The following ULK4 variants were observed in gnomAD, a reference collection of about 807,000 sequenced individuals.
ULK4 encodes inactive serine/threonine-protein kinase ULK4.
Under a neutral mutation model 160.6 loss-of-function variants are expected in ULK4, and 133 were observed. The ratio of observed to expected loss-of-function variants is 0.83; its 90% confidence interval spans 0.72 to 0.96. The LOEUF (loss-of-function observed/expected upper bound fraction) is 0.96, where lower values mean the gene tolerates loss of function less well. Among genes scored for constraint, ULK4 ranks in the 40% least tolerant of loss-of-function variants. The pLI, the probability that ULK4 is intolerant of heterozygous loss-of-function variation, is 0.00. For missense variants in ULK4, 1,580 were observed against 1,499.5 expected, an observed-to-expected ratio of 1.05 and a Z score of -0.89; for synonymous variants, 534 against 539.8, an observed-to-expected ratio of 0.99 and a Z score of 0.15.
At chr3:41,707,755 G>A (rs547682643) in intron 25 of ULK4, among the ~76,000 whole-genome samples, 53 of 152,060 alleles carry the variant, frequency 3.5e-4, no homozygotes, top group Non-Finnish European at 6.2e-4. Context: ...TCGGGCCCAG[G>A]AGATCAAGGC....
At chr3:41,487,731 G>A (rs2084592255) in intron 32 of ULK4, among the ~76,000 whole-genome samples, 1 of 152,154 alleles carries the variant, frequency 6.6e-6, no homozygotes, top group South Asian at 2.1e-4. Context: ...TCTCTCAAGT[G>A]TGAAAGGTTA....
chr3:41,276,467 G>A (rs1208654877), intron 35 of ULK4, among the ~76,000 whole-genome samples: 1 of 152,242 alleles, frequency 6.6e-6, no homozygotes, highest in Non-Finnish European at 1.5e-5. Context: ...ACGAGGCTGA[G>A]AGGGGACGTC....
chr3:41,878,910 C>CA (rs894295846), intron 17 of ULK4, among the ~76,000 whole-genome samples: 4 of 96,080 alleles, frequency 4.2e-5, no homozygotes, highest in African/African-American at 1.1e-4. Context: ...GCCATCCCCC[C>CA]AAAAAAAAGT....
intron 35 of ULK4, among the ~76,000 whole-genome samples, chr3:41,387,870 A>C (rs1205176968): frequency 6.6e-6 from 1 of 152,154 alleles, no homozygotes; most frequent in Admixed American, 6.5e-5. Flanking sequence ...ATGATTTATA[A>C]TCCTTTGAGT....
intron 21 of ULK4, among the ~76,000 whole-genome samples, chr3:41,777,249 C>T (rs2039659766): frequency 9.9e-6 from 1 of 101,036 alleles, no homozygotes; most frequent in South Asian, 3.2e-4. Flanking sequence ...GTTTGTATTT[C>T]TGTGGGATTG....
At chr3:41,580,530 A>G (rs1163015583) in intron 31 of ULK4, among the ~76,000 whole-genome samples, 1 of 152,148 alleles carries the variant, frequency 6.6e-6, no homozygotes, top group East Asian at 1.9e-4. Context: ...AAAAATGCCA[A>G]CAGCAACGAC....
intron 32 of ULK4, among the ~76,000 whole-genome samples, chr3:41,529,287 CTAAAT>C (rs1457479561): frequency 6.6e-6 from 1 of 152,110 alleles, no homozygotes; most frequent in East Asian, 1.9e-4. Flanking sequence ...AGCAAAACTC[CTAAAT>C]TAAACTTACT....
At chr3:41,665,014 T>G (rs1211918761) in intron 29 of ULK4, among the ~76,000 whole-genome samples, 1 of 152,126 alleles carries the variant, frequency 6.6e-6, no homozygotes, top group Non-Finnish European at 1.5e-5. Context: ...TAAACAAGCA[T>G]CAAATGAATA....
intron 31 of ULK4, among the ~76,000 whole-genome samples, chr3:41,568,432 G>C (rs915439022): frequency 3.3e-5 from 5 of 152,158 alleles, no homozygotes; most frequent in Admixed American, 6.5e-5. Context: ...CTTTAGGATT[G>C]TTGCATCTAT....
At chr3:41,939,622 G>T (rs1699888163) in intron 2 of ULK4, among the ~76,000 whole-genome samples, 1 of 152,014 alleles carries the variant, frequency 6.6e-6, no homozygotes, top group Non-Finnish European at 1.5e-5. Flanking sequence ...CTGGTCACTG[G>T]CAGTGGCTCA....
At chr3:41,887,104 G>C (rs1697752920) in intron 16 of ULK4, among the ~76,000 whole-genome samples, 1 of 152,206 alleles carries the variant, frequency 6.6e-6, no homozygotes, top group Non-Finnish European at 1.5e-5. Flanking sequence ...GTGGGAGTCT[G>C]TATAGGATGG....
At chr3:41,592,401 A>G (rs1268827369) in intron 31 of ULK4, among the ~76,000 whole-genome samples, 2 of 152,118 alleles carry the variant, frequency 1.3e-5, no homozygotes, top group African/African-American at 4.8e-5. Context: ...GTACTGGGAA[A>G]AGGCCACAGG....
At position 41,300,752 on chromosome 3, in the gene ULK4, G is replaced by A. The variant is rs527925971; in HGVS notation, c.3679-51178C>T. 8.7e-5 allele frequency among the ~76,000 whole-genome samples: 13 copies of A among 148,950 alleles called. No homozygotes were observed. In the Admixed American group the frequency reaches 8.8e-4, roughly 10 times the overall value. ...CCTAGCCATGATACAAGTGATTTGT[G>A]GCTCACAGCAGTTAAAGCACTGAAG... On this transcript the variant is annotated intron_variant, in intron 35 of 36. Transcript: ENST00000301831.
intron 34 of ULK4, among the ~76,000 whole-genome samples, chr3:41,406,921 C>A (rs544925446): frequency 2.6e-5 from 4 of 152,290 alleles, no homozygotes; most frequent in Admixed American, 6.5e-5. Flanking sequence ...GGTGAGAGGT[C>A]TCCTATTTTC....
At position 41,575,368 on chromosome 3, in the gene ULK4, C is replaced by G. The variant is rs574611843; in HGVS notation, c.3121-9238G>C. Among the ~76,000 whole-genome samples, 11 of 152,218 alleles carry G rather than the reference C, an allele frequency of 7.2e-5. No homozygotes were observed. In the East Asian group the frequency reaches 1.9e-3, roughly 27 times the overall value. The stretch of plus-strand genomic sequence containing the variant: ...AGCAGGTAAACAGCCCCTCTGCCAA[C>G]GTGGTCGGGGCTTCTAGGGGTTGAG... On this transcript the variant is annotated intron_variant, in intron 31 of 36. Transcript: ENST00000301831.
At chr3:41,535,780 G>A (rs1014156677) in intron 32 of ULK4, among the ~76,000 whole-genome samples, 5 of 152,146 alleles carry the variant, frequency 3.3e-5, no homozygotes, top group Non-Finnish European at 7.4e-5. Context: ...TTTCTATAGA[G>A]TGGACTCAGA....
intron 32 of ULK4, among the ~76,000 whole-genome samples, chr3:41,501,006 C>A (rs1048817221): frequency 5.3e-5 from 8 of 152,060 alleles, no homozygotes; most frequent in African/African-American, 1.9e-4. Context: ...TAGCACAGCT[C>A]AACATCAATA....
At chr3:41,467,607 A>G (rs1408095137) in intron 32 of ULK4, among the ~76,000 whole-genome samples, 5 of 152,242 alleles carry the variant, frequency 3.3e-5, no homozygotes, top group African/African-American at 1.2e-4. Flanking sequence ...ATATAATCAT[A>G]TAGTGGAATA....
In ULK4 at chr3:41,768,341, A is replaced by G. The variant is rs551618791; in HGVS notation, c.2194-13853T>C. On this transcript the variant is annotated intron_variant, in intron 21 of 36. Coordinates refer to ENST00000301831, the MANE Select transcript of ULK4 (RefSeq NM_017886.4). ...ATTGTAGTAAATACTCCATCTATAC[A>G]GTATCTGGACTAACCTGCTTCTTTC... is the stretch of plus-strand genomic sequence containing the variant. Among the ~76,000 whole-genome samples, 9 of 152,354 alleles carry G rather than the reference A, an allele frequency of 5.9e-5. No homozygotes were observed. In the East Asian group the frequency reaches 1.7e-3, roughly 29 times the overall value.
Sources: allele counts gnomAD v4.1 joint callset (sites outside exome capture counted in the v4.1 genomes callset), GRCh38; gene constraint gnomAD v4.1.1; transcripts MANE v1.5; gene names NCBI Gene and HGNC (gene_info 2026-07-23, HGNC 2026-07-21).